Variants in KIF3A observed in about 807,000 individuals in gnomAD.
KIF3A encodes kinesin-like protein KIF3A.
KIF3A carries 27 observed loss-of-function variants against 92.6 expected under a neutral mutation model. That is an observed-to-expected ratio of 0.29 (90% CI 0.21 to 0.40). The LOEUF (loss-of-function observed/expected upper bound fraction) is 0.40. KIF3A is among the 10% of genes least tolerant of loss of function. The pLI is 1.00. For missense variants in KIF3A, 581 were observed against 872.6 expected, an observed-to-expected ratio of 0.67 and a Z score of 4.21; for synonymous variants, 250 against 275.4, an observed-to-expected ratio of 0.91 and a Z score of 0.92.
intron 5 of KIF3A, among the ~76,000 whole-genome samples, 175 bp downstream of exon 5, chr5:132,720,434 T>C (rs546519605): frequency 5.8e-4 from 88 of 152,300 alleles, no homozygotes; most frequent in Admixed American, 1.2e-3. Context: ...TGGAAAATGA[T>C]TTGTGGTATC....
Position 132,708,899 on chromosome 5 carries a change from C to T in KIF3A, c.1300+8G>A. On this transcript the variant is annotated splice_region_variant and intron_variant, in intron 10 of 18. Coordinates refer to ENST00000403231, the MANE Select transcript of KIF3A (RefSeq NM_001300791.2). The stretch of plus-strand genomic sequence containing the variant: ...GCTCTGTTAGAGAATGTAAGAGCTA[C>T]CACTCACTAGGCAAGAACTTATCCA... 6.5e-7 allele frequency: 1 copy of T among 1,542,034 alleles called. No homozygotes were observed. The highest frequency in any genetic ancestry group is 8.8e-7 in the Non-Finnish European group (1 of 1,139,402).
At chr5:132,708,277 G>GTC (rs1257597277) in intron 10 of KIF3A, among the ~76,000 whole-genome samples, 1 of 123,696 alleles carries the variant, frequency 8.1e-6, no homozygotes, top group Admixed American at 9.0e-5. Flanking sequence ...GCAAGACTCC[G>GTC]TCTCAAAAAA....
In KIF3A at chr5:132,737,285, C is replaced by A; in HGVS notation, c.6+129G>T. On this transcript the variant is annotated intron_variant, in intron 1 of 18. Transcript: ENST00000403231. Reference sequence around the variant, plus strand: ...AGCCAGGCTCTCCAACCACCTCCACCGCACGACCGAGCCTGCCCCGCCCCA... The same window carrying A: ...AGCCAGGCTCTCCAACCACCTCCACAGCACGACCGAGCCTGCCCCGCCCCA... 4.7e-6 allele frequency: 5 copies of A among 1,071,290 alleles called. 1 individual carries two copies. In the South Asian group the frequency reaches 7.3e-5, roughly 16 times the overall value. 66.4% of individuals were successfully genotyped at this position (1,071,290 alleles called of 1,614,324 possible). A position where few individuals can be genotyped will look rare whatever the true frequency, so the allele number is the denominator to read the frequency against.
downstream of KIF3A, among the ~76,000 whole-genome samples, chr5:132,691,229 G>A (rs1272730042): frequency 1.3e-5 from 2 of 152,158 alleles, no homozygotes; most frequent in African/African-American, 4.8e-5. Flanking sequence ...AACACATAAT[G>A]AAAAGGATAA....
At position 132,706,349 on chromosome 5, in the gene KIF3A, TA is replaced by T. The variant is rs200994624; in HGVS notation, c.1309+101del. ...ATACAAAAGATAGATACTTACCTGG[TA>T]AAAAAACTACTAAATTTTAAAAATT... On this transcript the variant is annotated intron_variant, in intron 11 of 18. Transcript: ENST00000403231. 49 of 725,780 alleles carry T rather than the reference TA, an allele frequency of 6.8e-5. No homozygotes were observed. The East Asian group carries it at 1.2e-3, about 18-fold the overall frequency. 45.0% of individuals were successfully genotyped at this position (725,780 alleles called of 1,614,324 possible).
At chr5:132,708,168 G>C (rs184845366) in intron 10 of KIF3A, among the ~76,000 whole-genome samples, 213 of 151,828 alleles carry the variant, frequency 1.4e-3, no homozygotes, top group Non-Finnish European at 1.9e-3. Context: ...TGTAGTCCTA[G>C]CTACTCGGGA....
chr5:132,697,404 G>T (rs1012370702), intron 18 of KIF3A: 1 of 150,844 alleles, frequency 6.6e-6, no homozygotes, highest in African/African-American at 2.4e-5. Context: ...TCTGGAAAAC[G>T]TATTCAAATA....
chr5:132,733,275 T>G (rs1001214162), intron 2 of KIF3A, among the ~76,000 whole-genome samples: 1 of 152,204 alleles, frequency 6.6e-6, no homozygotes, highest in Non-Finnish European at 1.5e-5. Flanking sequence ...ATTTGATATT[T>G]GAATTTTATC....
intron 6 of KIF3A, 64 bp downstream of exon 6, chr5:132,716,781 T>C (rs1753640156): frequency 1.3e-6 from 2 of 1,529,890 alleles, no homozygotes; most frequent in Middle Eastern, 1.7e-4. Context: ...TTAATTTTCA[T>C]TCATTTATAA....
intron 11 of KIF3A, 43 bp from the exon 12 acceptor site, chr5:132,703,662 A>T (rs759143578): frequency 8.2e-6 from 12 of 1,468,060 alleles, no homozygotes; most frequent in Non-Finnish European, 9.3e-6. Context: ...AAATGAATCA[A>T]TGTTTCAGAC....
chr5:132,703,286 C>T (rs1753104595), intron 12 of KIF3A, among the ~76,000 whole-genome samples, 177 bp downstream of exon 12: 1 of 151,932 alleles, frequency 6.6e-6, no homozygotes, highest in African/African-American at 2.4e-5. Context: ...AATAAAATAA[C>T]CAAAATAGAT....
intron 18 of KIF3A, 93 bp downstream of exon 18, chr5:132,699,076 CAT>C: frequency 8.1e-7 from 1 of 1,230,852 alleles, no homozygotes; most frequent in South Asian, 1.4e-5. Flanking sequence ...AAATATGTAT[CAT>C]GTTTTAACTA....
intron 13 of KIF3A, 61 bp downstream of exon 13, chr5:132,702,824 C>T: frequency 6.0e-6 from 9 of 1,498,022 alleles, no homozygotes; most frequent in Non-Finnish European, 8.3e-6. Context: ...ATTTAGCTTT[C>T]CACTAGAAAA....
chr5:132,716,805 C>T, intron 6 of KIF3A, 40 bp downstream of exon 6: 1 of 1,592,628 alleles, frequency 6.3e-7, no homozygotes, highest in East Asian at 2.2e-5. Context: ...AAATGGATCA[C>T]AAGAAAGAGT....
chr5:132,713,913 T>TTA (rs1753522315), intron 8 of KIF3A, among the ~76,000 whole-genome samples: 1 of 146,372 alleles, frequency 6.8e-6, no homozygotes, highest in African/African-American at 2.6e-5. Flanking sequence ...TTTTTTTTTT[T>TTA]GAGATGGGAG....
intron 2 of KIF3A, among the ~76,000 whole-genome samples, chr5:132,729,333 T>C (rs1754145933): frequency 6.6e-6 from 1 of 152,104 alleles, no homozygotes; most frequent in Non-Finnish European, 1.5e-5. Context: ...GCTCCTGTAG[T>C]CTCAGCTACT....
chr5:132,720,769 T>C (rs1465480730), intron 4 of KIF3A, 55 bp from the exon 5 acceptor site: 3 of 985,400 alleles, frequency 3.0e-6, no homozygotes, highest in East Asian at 5.1e-5. Context: ...CAATTATTTA[T>C]TGAGTATCTC....
At chr5:132,691,207 T>C (rs1012270477), downstream of KIF3A, among the ~76,000 whole-genome samples, 1 of 152,210 alleles carries the variant, frequency 6.6e-6, no homozygotes, top group Non-Finnish European at 1.5e-5. Context: ...TGAGAATTGG[T>C]TTCTGTTCTC....
intron 4 of KIF3A, among the ~76,000 whole-genome samples, chr5:132,724,796 A>AT (rs1753949485): frequency 3.3e-5 from 1 of 30,144 alleles, no homozygotes; most frequent in African/African-American, 1.4e-4. Flanking sequence ...GTATAATAAA[A>AT]AAAAAAAAAA....
Sources: gnomAD v4.1 joint callset for allele counts (sites outside exome capture counted in the v4.1 genomes callset) on GRCh38, gnomAD v4.1.1 for gene constraint, MANE v1.5 for transcripts, NCBI Gene and HGNC (gene_info 2026-07-23, HGNC 2026-07-21) for gene names.